CSMD1: variants seen among roughly 807,000 people sequenced by gnomAD.
CSMD1 encodes CUB and Sushi multiple domains 1, also known as CUB and sushi domain-containing protein 1.
A neutral mutation model predicts 417.5 loss-of-function variants in CSMD1; 213 were observed. The observed-to-expected ratio is 0.51, with a 90% CI of 0.46 to 0.57. CSMD1 has a LOEUF of 0.57. Among genes scored for constraint, CSMD1 ranks in the 20% least tolerant of loss-of-function variants. CSMD1 has a pLI of 0.00. For missense variants in CSMD1, 6,923 were observed against 4,529.7 expected (o/e 1.53, Z -15.17); for synonymous variants, 2,862 against 1,736.8 (o/e 1.65, Z -16.11).
In CSMD1 at chr8:3,742,739, G is replaced by GA. The variant is rs1327463344; in HGVS notation, c.931+11190dup. Among the ~76,000 whole-genome samples, 62 of 150,814 alleles carry GA rather than the reference G, an allele frequency of 4.1e-4. No individual in the cohort carries two copies. In the South Asian group the frequency reaches 8.8e-3, roughly 21 times the overall value. On this transcript the variant is annotated intron_variant, in intron 6 of 69. Transcript: ENST00000635120. The stretch of plus-strand genomic sequence containing the variant: ...GGATCAGAGAGAGAGAGAGAGAGAA[G>GA]AAAAAAAACAAAAACAAAACGAAAC...
At chr8:3,784,140 TTCTC>T (rs905770051) in intron 5 of CSMD1, among the ~76,000 whole-genome samples, 1 of 105,424 alleles carries the variant, frequency 9.5e-6, no homozygotes, top group Non-Finnish European at 2.0e-5. Context: ...TCCTCTCTCT[TTCTC>T]TCTCTCATGC....
At chr8:3,878,184 C>T (rs906469898) in intron 5 of CSMD1, among the ~76,000 whole-genome samples, 8 of 152,024 alleles carry the variant, frequency 5.3e-5, no homozygotes, top group African/African-American at 1.9e-4. Context: ...TGGAGAATTC[C>T]AAATTTTGTA....
chr8:3,678,628 G>C (rs995077222), intron 7 of CSMD1, among the ~76,000 whole-genome samples: 6 of 152,172 alleles, frequency 3.9e-5, no homozygotes, highest in African/African-American at 1.4e-4. Flanking sequence ...ACATTATCAA[G>C]GAAAACTTCC....
intron 5 of CSMD1, among the ~76,000 whole-genome samples, chr8:3,783,027 C>T (rs1799263488): frequency 6.6e-6 from 1 of 152,170 alleles, no homozygotes. Flanking sequence ...CGCAAGCACG[C>T]GTTCATCTTC....
chr8:3,768,168 G>C (rs947455281), intron 5 of CSMD1, among the ~76,000 whole-genome samples: 1 of 152,170 alleles, frequency 6.6e-6, no homozygotes, highest in Non-Finnish European at 1.5e-5. Context: ...GAGAACTAAA[G>C]CCCAGAAATT....
Position 3,687,838 on chromosome 8 carries a change from G to A in CSMD1, c.1009+20576C>T, listed in dbSNP as rs114074598. Among the ~76,000 whole-genome samples the A allele has an allele frequency of 2.1e-3, 317 of 152,276 alleles. 3 individuals are homozygous for A. Among genetic ancestry groups the A allele is most frequent in the African/African-American group, 7.3e-3 (305 of 41,554 alleles). On this transcript the variant is annotated intron_variant, in intron 7 of 69. Coordinates refer to ENST00000635120, the MANE Select transcript of CSMD1 (RefSeq NM_033225.6). ...CGAGAAAGGTAGCACTGCTCTCTCA[G>A]TCCACTCTTGGTCTCCACTCAGTGA...
chr8:3,989,473 C>G (rs369659853), intron 5 of CSMD1, among the ~76,000 whole-genome samples: 64 of 152,230 alleles, frequency 4.2e-4, no homozygotes, highest in Middle Eastern at 3.4e-3. Context: ...GTAACACAGA[C>G]AAAAAACCTG....
At chr8:4,654,282 T>G (rs560146481) in intron 1 of CSMD1, among the ~76,000 whole-genome samples, 1 of 152,110 alleles carries the variant, frequency 6.6e-6, no homozygotes, top group Non-Finnish European at 1.5e-5. Context: ...CAAATGAATA[T>G]AGACTTATAT....
chr8:3,489,688 T>C (rs1191329959), intron 11 of CSMD1, among the ~76,000 whole-genome samples: 2 of 152,196 alleles, frequency 1.3e-5, no homozygotes, highest in East Asian at 1.9e-4. Flanking sequence ...TTCTTTTATA[T>C]TGTGCCATAA....
chr8:4,404,269 T>C (rs935004688), intron 3 of CSMD1, among the ~76,000 whole-genome samples: 2 of 152,168 alleles, frequency 1.3e-5, no homozygotes, highest in African/African-American at 2.4e-5. Context: ...ATTTATGTCA[T>C]CTATCACCTT....
intron 3 of CSMD1, among the ~76,000 whole-genome samples, chr8:4,119,813 TA>T (rs1297610408): frequency 6.6e-6 from 1 of 152,214 alleles, no homozygotes; most frequent in African/African-American, 2.4e-5. Context: ...CGATGCAATT[TA>T]TGATTTTAAA....
rs548534450 is a variant in CSMD1 at position 3,057,756 on chromosome 8, C to T, written c.7475-5109G>A. The stretch of plus-strand genomic sequence containing the variant: ...GCTGAATTCAGGTAGACTTTCTCAT[C>T]CCATTACTAAAGATGCCCGGACTAT... On this transcript the variant is annotated intron_variant, in intron 49 of 69. Coordinates refer to ENST00000635120, the MANE Select transcript of CSMD1 (RefSeq NM_033225.6). Among the ~76,000 whole-genome samples, 8 of 152,290 alleles carry T rather than the reference C, an allele frequency of 5.3e-5. 1 individual carries two copies. The highest frequency in any genetic ancestry group is 1.7e-4 in the African/African-American group (7 of 41,562).
chr8:4,036,965 GT>G (rs1797651774), intron 3 of CSMD1, among the ~76,000 whole-genome samples: 2 of 66,518 alleles, frequency 3.0e-5, no homozygotes, highest in African/African-American at 1.6e-4. Flanking sequence ...GGGTGTGTGT[GT>G]GTGTGTGTGT....
rs145594603 is a variant in CSMD1 at position 3,807,724 on chromosome 8, C to A, written c.819-53682G>T. 2.0e-5 allele frequency among the ~76,000 whole-genome samples: 3 copies of A among 152,202 alleles called. No homozygotes were observed. In the East Asian group the frequency reaches 5.8e-4, roughly 29 times the overall value. On this transcript the variant is annotated intron_variant, in intron 5 of 69. Coordinates refer to ENST00000635120, the MANE Select transcript of CSMD1 (RefSeq NM_033225.6). ...CTTGAGCTATAAGGGATCCTAATGT[C>A]TTTATTACACAGGAATCATCTTTAG... is the stretch of plus-strand genomic sequence containing the variant.
chr8:4,329,793 G>A (rs1417297728), intron 3 of CSMD1, among the ~76,000 whole-genome samples: 2 of 151,812 alleles, frequency 1.3e-5, no homozygotes, highest in African/African-American at 4.8e-5. Flanking sequence ...GTGAGCTTTT[G>A]CTCCAAGTTC....
chr8:3,348,290 C>A, intron 21 of CSMD1, 129 bp from the exon 22 acceptor site: 2 of 646,424 alleles, frequency 3.1e-6, no homozygotes, highest in Non-Finnish European at 5.0e-6. Flanking sequence ...TATATTATTT[C>A]AAAATAGATC....
At chr8:3,578,809 A>G (rs1412071053) in intron 9 of CSMD1, among the ~76,000 whole-genome samples, 1 of 152,210 alleles carries the variant, frequency 6.6e-6, no homozygotes, top group Non-Finnish European at 1.5e-5. Context: ...TCTGTGCTAA[A>G]CAGGCATTCA....
intron 20 of CSMD1, among the ~76,000 whole-genome samples, chr8:3,360,105 T>G (rs1809058921): frequency 6.6e-6 from 1 of 152,202 alleles, no homozygotes. Context: ...CAATTTTGCC[T>G]CTAGAATATA....
intron 1 of CSMD1, among the ~76,000 whole-genome samples, chr8:4,641,267 T>A (rs188456310): frequency 2.0e-5 from 3 of 152,132 alleles, no homozygotes; most frequent in Admixed American, 6.5e-5. Context: ...GCAACTGGAA[T>A]CTAAATCATC....
Sources: gnomAD v4.1 joint callset for allele counts (sites outside exome capture counted in the v4.1 genomes callset) on GRCh38, gnomAD v4.1.1 for gene constraint, MANE v1.5 for transcripts, NCBI Gene and HGNC (gene_info 2026-07-23, HGNC 2026-07-21) for gene names.